The following CUL3 variants were observed in gnomAD, a reference collection of about 807,000 sequenced individuals.
CUL3 encodes cullin-3.
In CUL3, 19 loss-of-function variants were observed where a neutral mutation model predicts 89.1. The ratio of observed to expected loss-of-function variants is 0.21; its 90% CI spans 0.15 to 0.31. The LOEUF is 0.31. Ranked by LOEUF, CUL3 falls within the 10% of genes least tolerant of loss-of-function variation. The probability of loss-of-function intolerance (pLI) is 1.00; values close to 1 mark genes in which losing one functional copy is unlikely to be tolerated. For synonymous variants in CUL3, 351 were observed against 308.4 expected (o/e 1.14, Z -1.45); for missense variants, 469 against 942.3 (o/e 0.50, Z 6.58).
At chr2:224,538,725 T>A (rs1490615744) in intron 2 of CUL3, among the ~76,000 whole-genome samples, 2 of 152,170 alleles carry the variant, frequency 1.3e-5, no homozygotes, top group Non-Finnish European at 2.9e-5. Context: ...GAGAGCAGGA[T>A]GGGACCAGCT....
intron 2 of CUL3, chr2:224,556,222 G>C (rs1266745099): frequency 6.6e-6 from 1 of 152,050 alleles, no homozygotes; most frequent in Non-Finnish European, 1.5e-5. Context: ...AGTTTCTAGG[G>C]AACAGGATAT....
chr2:224,521,089 TCTTA>T (rs1693242834), intron 3 of CUL3, among the ~76,000 whole-genome samples: 1 of 152,178 alleles, frequency 6.6e-6, no homozygotes, highest in South Asian at 2.1e-4. Flanking sequence ...ACAACTTAAC[TCTTA>T]CTACTTAATT....
chr2:224,496,995 T>C (rs564994915), intron 12 of CUL3, among the ~76,000 whole-genome samples: 3 of 152,326 alleles, frequency 2.0e-5, no homozygotes, highest in African/African-American at 7.2e-5. Context: ...TAAAGCACTA[T>C]TTCCCATTTC....
rs991165537 is a variant in CUL3 at position 224,470,436 on chromosome 2, T to C, written c.*3809A>G. ...ATGCACGGGTTTCAAGACATCCTAG[T>C]TGTTTTTCTCCTGAGAGCTGGCGTA... On this transcript the variant is annotated 3_prime_UTR_variant, in exon 16 of 16. Transcript: ENST00000264414. The C allele has an allele frequency of 8.7e-6, 2 of 230,626 alleles. No homozygotes were observed. The highest frequency in any genetic ancestry group is 2.2e-5 in the African/African-American group (1 of 45,194). The allele number at this position is 230,626 out of a possible 1,614,324, so 14.3% of individuals were successfully genotyped here.
intron 1 of CUL3, among the ~76,000 whole-genome samples, chr2:224,565,402 G>A (rs1695019284): frequency 6.6e-6 from 1 of 152,282 alleles, no homozygotes; most frequent in African/African-American, 2.4e-5. Context: ...CACAAGAGAT[G>A]GAGGAGGGAG....
At chr2:224,512,525 T>A (rs1405479017) in intron 5 of CUL3, among the ~76,000 whole-genome samples, 2 of 152,198 alleles carry the variant, frequency 1.3e-5, no homozygotes, top group East Asian at 1.9e-4. Flanking sequence ...CTATCTTATG[T>A]TTACTAGTAC....
intron 13 of CUL3, among the ~76,000 whole-genome samples, chr2:224,493,593 A>G (rs776781548): frequency 6.6e-6 from 1 of 152,234 alleles, no homozygotes; most frequent in Admixed American, 6.5e-5. Context: ...ATTAGCATCA[A>G]TGATTCCAAG....
intron 2 of CUL3, among the ~76,000 whole-genome samples, chr2:224,539,135 C>T (rs2106270740): frequency 6.6e-6 from 1 of 152,236 alleles, no homozygotes; most frequent in Middle Eastern, 3.4e-3. Context: ...TAGAAAGTAA[C>T]TCAATTTTTA....
intron 13 of CUL3, among the ~76,000 whole-genome samples, chr2:224,484,022 T>C (rs531110634): frequency 2.8e-4 from 43 of 152,264 alleles, no homozygotes; most frequent in Non-Finnish European, 5.3e-4. Flanking sequence ...AGATCTGCTC[T>C]CTACCAAACA....
chr2:224,560,168 C>T (rs1224393875), intron 1 of CUL3, among the ~76,000 whole-genome samples: 2 of 152,174 alleles, frequency 1.3e-5, no homozygotes, highest in Non-Finnish European at 1.5e-5. Flanking sequence ...CTTCTGTCTC[C>T]TATTCATCTG....
Position 224,471,943 on chromosome 2 carries a change from T to A in CUL3, c.*2302A>T, listed in dbSNP as rs1288413988. The A allele has an allele frequency of 4.3e-6, 1 of 231,018 alleles. No individual in the cohort carries two copies. Among genetic ancestry groups the A allele is most frequent in the South Asian group, 1.8e-4 (1 of 5,520 alleles). The allele number at this position is 231,018 out of a possible 1,614,324, so 14.3% of individuals were successfully genotyped here. On this transcript the variant is annotated 3_prime_UTR_variant, in exon 16 of 16. Coordinates refer to ENST00000264414, the MANE Select transcript of CUL3 (RefSeq NM_003590.5). Reference sequence around the variant, plus strand: ...GGTTAGGATGCATTTTTCTTTCAAATTAAAGCATTAAAAACTGAGAAAAAA... The same window carrying A: ...GGTTAGGATGCATTTTTCTTTCAAAATAAAGCATTAAAAACTGAGAAAAAA...
chr2:224,482,996 A>C (rs2047134), intron 13 of CUL3, among the ~76,000 whole-genome samples: 43,956 of 152,038 alleles, frequency 0.29, 6,684 homozygotes, highest in Middle Eastern at 0.41. Flanking sequence ...TTCTCTCTAG[A>C]CAAGTCTTTG....
At chr2:224,569,956 C>CG in intron 1 of CUL3, 1 of 59,482 alleles carries the variant, frequency 1.7e-5, no homozygotes, top group East Asian at 5.7e-4. Flanking sequence ...GCTCCAGTCT[C>CG]AAAAAAAAAA....
rs2106143643 is a variant in CUL3, at chr2:224,478,342, G to C, written c.2033C>G (p.Ala678Gly). 1 of 1,606,652 alleles carries C rather than the reference G, an allele frequency of 6.2e-7. No individual in the cohort carries two copies. The highest frequency in any genetic ancestry group is 8.5e-7 in the Non-Finnish European group (1 of 1,177,556). Residue 678 changes from alanine to glycine, a missense_variant, in exon 15 of 16, where the codon GCT (alanine) becomes GGT (glycine). Physicochemically the swap from Ala to Gly is moderately conservative, Grantham distance 60. Coordinates refer to ENST00000264414, the MANE Select transcript of CUL3 (RefSeq NM_003590.5). ...KLHRVKIQTV[A>G]AKQGESDPER... ...TGGGTCGGATTCACCTTGTTTGGCA[G>C]CAACTAAAATAGAAATAAAGACATT...
intron 3 of CUL3, among the ~76,000 whole-genome samples, chr2:224,516,222 T>G (rs1218716591): frequency 6.6e-6 from 1 of 152,186 alleles, no homozygotes; most frequent in Non-Finnish European, 1.5e-5. Context: ...TTCAAAATGC[T>G]TATTGATGAC....
At chr2:224,568,380 T>C (rs760018027) in intron 1 of CUL3, among the ~76,000 whole-genome samples, 1 of 152,238 alleles carries the variant, frequency 6.6e-6, no homozygotes, top group Non-Finnish European at 1.5e-5. Flanking sequence ...CACTAGACTA[T>C]GAGCTTAAGA....
intron 14 of CUL3, among the ~76,000 whole-genome samples, chr2:224,481,120 CAT>C (rs936394746): frequency 2.0e-5 from 3 of 152,048 alleles, no homozygotes; most frequent in Admixed American, 6.5e-5. Context: ...ATATAAATAA[CAT>C]TTTTTTAAAA....
intron 1 of CUL3, among the ~76,000 whole-genome samples, chr2:224,581,002 A>C (rs572828423): frequency 7.2e-5 from 11 of 152,292 alleles, no homozygotes; most frequent in African/African-American, 2.6e-4. Context: ...TGTGGAGATC[A>C]AATGTGCAGC....
Position 224,480,986 on chromosome 2 carries a change from C to T in CUL3, c.2029+906G>A, listed in dbSNP as rs187683424. 2.0e-4 allele frequency among the ~76,000 whole-genome samples: 31 copies of T among 151,944 alleles called. No homozygotes were observed. In the East Asian group the frequency reaches 5.8e-3, roughly 28 times the overall value. On this transcript the variant is annotated intron_variant, in intron 14 of 15. Coordinates refer to ENST00000264414, the MANE Select transcript of CUL3 (RefSeq NM_003590.5). ...TACTCTGTTCTACAAAGTATACATA[C>T]GAAACAAAAAGATCAAAATGAAAAA...
Sources: allele counts gnomAD v4.1 joint callset (sites outside exome capture counted in the v4.1 genomes callset), GRCh38; gene constraint gnomAD v4.1.1; transcripts MANE v1.5; gene names NCBI Gene and HGNC (gene_info 2026-07-23, HGNC 2026-07-21).